Variants in RAPGEF6 observed in about 807,000 individuals in gnomAD.
RAPGEF6 encodes the protein Rap guanine nucleotide exchange factor 6.
RAPGEF6 carries 56 observed loss-of-function variants against 171.4 expected under a neutral mutation model. The observed-to-expected ratio is 0.33, with a 90% confidence interval of 0.26 to 0.41. The LOEUF (loss-of-function observed/expected upper bound fraction) is 0.41, where lower values mean the gene tolerates loss of function less well. Among genes scored for constraint, RAPGEF6 ranks in the 10% least tolerant of loss-of-function variants. RAPGEF6 has a pLI of 1.00. For missense variants in RAPGEF6, 1,674 were observed against 1,921.4 expected (o/e 0.87, Z 2.41); for synonymous variants, 692 against 650.1 (o/e 1.06, Z -0.98).
At chr5:131,468,759 C>G (rs1013650316) in intron 17 of RAPGEF6, among the ~76,000 whole-genome samples, 2 of 152,048 alleles carry the variant, frequency 1.3e-5, no homozygotes, top group Non-Finnish European at 2.9e-5. Context: ...TAAACACGAG[C>G]TCGACGAAAG....
rs757529472 is a variant in RAPGEF6 at position 131,492,691 on chromosome 5, G to A, written c.1622C>T (p.Pro541Leu). 2 of 1,614,108 alleles carry A rather than the reference G, an allele frequency of 1.2e-6. No homozygotes were observed. Among genetic ancestry groups the A allele is most frequent in the Non-Finnish European group, 1.7e-6 (2 of 1,179,980 alleles). ...VVLQKASRESPLQFSLNGGSE... is the reference protein window; with the variant it reads ...VVLQKASRESLLQFSLNGGSE... ...CCCTCCATTAAGGCTGAATTGTAGA[G>A]GGGACTCGCGGGAAGCCTTTTGCAG... Residue 541 changes from proline to leucine, a missense_variant, in exon 14 of 28, where the codon CCT (proline) becomes CTT (leucine). By Grantham distance (98) the Pro-to-Leu change is moderately conservative (BLOSUM62 -3). Transcript: ENST00000509018.
intron 8 of RAPGEF6, among the ~76,000 whole-genome samples, chr5:131,508,705 A>G (rs1363174586): frequency 6.6e-6 from 1 of 152,266 alleles, no homozygotes; most frequent in Non-Finnish European, 1.5e-5. Flanking sequence ...ACAAATGTTT[A>G]TGAGTGCCTC....
intron 23 of RAPGEF6, chr5:131,439,964 T>G (rs901610839): frequency 6.8e-6 from 4 of 586,764 alleles, no homozygotes; most frequent in Non-Finnish European, 8.5e-6. Flanking sequence ...CTTTGTGGTA[T>G]AAGGGAAATC....
intron 1 of RAPGEF6, among the ~76,000 whole-genome samples, chr5:131,613,809 T>C (rs1182050755): frequency 1.3e-5 from 2 of 152,106 alleles, no homozygotes; most frequent in African/African-American, 4.8e-5. Context: ...AATTTTTATT[T>C]TTCCAACCTC....
chr5:131,446,978 A>C (rs1486487598), intron 21 of RAPGEF6: 2 of 337,896 alleles, frequency 5.9e-6, no homozygotes, highest in Non-Finnish European at 1.1e-5. Context: ...TATGCAACCT[A>C]TGGCACAACA....
At chr5:131,509,202 T>A (rs530883884) in intron 8 of RAPGEF6, among the ~76,000 whole-genome samples, 1 of 152,336 alleles carries the variant, frequency 6.6e-6, no homozygotes, top group Non-Finnish European at 1.5e-5. Context: ...AACTAAAGTA[T>A]GGTAACTAGT....
At chr5:131,596,004 A>G (rs1350839755) in intron 3 of RAPGEF6, among the ~76,000 whole-genome samples, 1 of 152,006 alleles carries the variant, frequency 6.6e-6, no homozygotes, top group African/African-American at 2.4e-5. Context: ...AAATACAAAA[A>G]TTAGCTGGGT....
chr5:131,528,323 A>AT (rs879860700), intron 6 of RAPGEF6, among the ~76,000 whole-genome samples: 36 of 109,360 alleles, frequency 3.3e-4, no homozygotes, highest in Admixed American at 5.5e-4. Context: ...TTATATATAT[A>AT]TATATATATA....
intron 4 of RAPGEF6, among the ~76,000 whole-genome samples, chr5:131,569,368 ATAGT>A (rs1762135975): frequency 6.6e-6 from 1 of 152,248 alleles, no homozygotes; most frequent in African/African-American, 2.4e-5. Flanking sequence ...AGACAGAAAA[ATAGT>A]TAAAGGAGAC....
rs769690778 is a variant in RAPGEF6, at chr5:131,603,309, T to C, written c.159A>G (p.Ala53=). The part of the protein sequence containing the change: ...EHQLRLMSAR[A]RYERYSGNQV... ...GATTGCCACTGTATCTCTCATAGCGTGCTCTTGCAGACATTAATCTATTAA... is the reference window on the plus strand; with the variant it reads ...GATTGCCACTGTATCTCTCATAGCGCGCTCTTGCAGACATTAATCTATTAA... Residue 53 remains alanine, a synonymous_variant, in exon 3 of 28, where the codon GCA becomes GCG. Coordinates refer to ENST00000509018, the MANE Select transcript of RAPGEF6 (RefSeq NM_016340.6). 19 of 1,574,628 alleles carry C rather than the reference T, an allele frequency of 1.2e-5. No homozygotes were observed. The highest frequency in any genetic ancestry group is 1.6e-5 in the Non-Finnish European group (19 of 1,163,594).
intron 4 of RAPGEF6, 53 bp from the exon 5 acceptor site, chr5:131,562,100 C>A: frequency 3.4e-6 from 4 of 1,185,282 alleles, no homozygotes; most frequent in South Asian, 1.4e-5. Context: ...TAAAATATAT[C>A]AATATAGGAA....
chr5:131,489,966 C>T (rs923915298), intron 14 of RAPGEF6, among the ~76,000 whole-genome samples: 2 of 152,028 alleles, frequency 1.3e-5, no homozygotes, highest in Non-Finnish European at 2.9e-5. Flanking sequence ...CAGATCAGCT[C>T]ATAAAAATTA....
chr5:131,536,466 C>T (rs1345247861), intron 6 of RAPGEF6, among the ~76,000 whole-genome samples: 1 of 152,124 alleles, frequency 6.6e-6, no homozygotes, highest in African/African-American at 2.4e-5. Flanking sequence ...CTCTTTTATT[C>T]TCTTGTAAGA....
At chr5:131,588,009 A>C (rs1354995384) in intron 4 of RAPGEF6, among the ~76,000 whole-genome samples, 1 of 150,286 alleles carries the variant, frequency 6.7e-6, no homozygotes, top group Non-Finnish European at 1.5e-5. Flanking sequence ...TTTTTTTTAA[A>C]TTTTTGTAGC....
chr5:131,563,203 A>T (rs1387795284), intron 4 of RAPGEF6, among the ~76,000 whole-genome samples: 3 of 152,160 alleles, frequency 2.0e-5, no homozygotes, highest in Non-Finnish European at 2.9e-5. Flanking sequence ...CAGTTAGTAA[A>T]TAAAACATAT....
At chr5:131,559,840 A>G (rs769998668) in intron 5 of RAPGEF6, among the ~76,000 whole-genome samples, 7 of 151,370 alleles carry the variant, frequency 4.6e-5, no homozygotes, top group Non-Finnish European at 7.4e-5. Flanking sequence ...TTTAAGAAAA[A>G]AAGAAAAAAA....
intron 14 of RAPGEF6, 35 bp downstream of exon 14, chr5:131,492,547 A>G: frequency 6.3e-7 from 1 of 1,594,498 alleles, no homozygotes; most frequent in South Asian, 1.1e-5. Context: ...TACTTTTAAG[A>G]AGGCTTGAAT....
At chr5:131,557,760 T>C (rs1761330147) in intron 5 of RAPGEF6, among the ~76,000 whole-genome samples, 1 of 152,208 alleles carries the variant, frequency 6.6e-6, no homozygotes, top group African/African-American at 2.4e-5. Context: ...TCTGCATCCA[T>C]AGAAATGATT....
chr5:131,561,039 C>T (rs1224800142), intron 5 of RAPGEF6, among the ~76,000 whole-genome samples: 4 of 152,000 alleles, frequency 2.6e-5, no homozygotes, highest in African/African-American at 4.8e-5. Context: ...TGAGTCCACT[C>T]GGTATATGCT....
Sources: allele counts gnomAD v4.1 joint callset (sites outside exome capture counted in the v4.1 genomes callset), GRCh38; gene constraint gnomAD v4.1.1; transcripts MANE v1.5; gene names NCBI Gene and HGNC (gene_info 2026-07-23, HGNC 2026-07-21).